TXNDC9: variants seen among roughly 807,000 people sequenced by gnomAD.
The protein encoded by TXNDC9 is thioredoxin domain containing 9.
TXNDC9 carries 7 observed loss-of-function variants against 23.0 expected under a neutral mutation model. The ratio of observed to expected loss-of-function variants is 0.30; its 90% CI spans 0.17 to 0.57. The LOEUF (loss-of-function observed/expected upper bound fraction) is 0.57, where lower values mean the gene tolerates loss of function less well. Ranked by LOEUF, TXNDC9 falls within the 20% of genes least tolerant of loss-of-function variation. The pLI is 0.90. For synonymous variants in TXNDC9, 72 were observed against 90.6 expected, an observed-to-expected ratio of 0.79 and a Z score of 1.17; for missense variants, 198 against 252.6, an observed-to-expected ratio of 0.78 and a Z score of 1.47.
chr2:99,332,360 T>C (rs1163920216), intron 2 of TXNDC9, among the ~76,000 whole-genome samples: 2 of 152,144 alleles, frequency 1.3e-5, no homozygotes, highest in South Asian at 2.1e-4. Context: ...GAATAATTGC[T>C]TGAAGCCGGG....
chr2:99,328,060 G>A lies in TXNDC9; in HGVS notation c.190-407C>T, dbSNP rs139386489. 3.4e-3 allele frequency among the ~76,000 whole-genome samples: 523 copies of A among 152,000 alleles called. 3 individuals carry two copies. Among genetic ancestry groups the A allele is most frequent in the African/African-American group, 0.012 (489 of 41,476 alleles). On this transcript the variant is annotated intron_variant, in intron 2 of 4. Coordinates refer to ENST00000264255, the MANE Select transcript of TXNDC9 (RefSeq NM_005783.4). ...GGCTTCCCAAAGTGCTGGGATTATA[G>A]GTGTGAGCCACCGCGCCCGGCCCAA...
At chr2:99,333,946 G>T (rs559490661) in intron 1 of TXNDC9, among the ~76,000 whole-genome samples, 1 of 152,080 alleles carries the variant, frequency 6.6e-6, no homozygotes, top group Non-Finnish European at 1.5e-5. Context: ...TCTAAATTTT[G>T]GGTTTTTTTC....
rs763788805 is a variant in TXNDC9, at chr2:99,322,255, C to T, written c.309-46G>A. On this transcript the variant is annotated intron_variant, in intron 3 of 4. Coordinates refer to ENST00000264255, the MANE Select transcript of TXNDC9 (RefSeq NM_005783.4). ...AAAATTATAAGCTAAAACCACAGAT[C>T]GCTTTTTTCAAAATAAATATCATCA... is the stretch of plus-strand genomic sequence containing the variant. 1.1e-4 allele frequency: 175 copies of T among 1,564,540 alleles called. 1 individual carries two copies. The highest frequency in any genetic ancestry group is 1.3e-4 in the Non-Finnish European group (148 of 1,156,624).
chr2:99,308,599 G>A, the TXNDC9 span, among the ~76,000 whole-genome samples: 11 of 152,012 alleles, frequency 7.2e-5, no homozygotes, highest in Admixed American at 6.6e-5. Flanking sequence ...GTGTGTACGT[G>A]TGTGTGTGTA....
chr2:99,310,881 G>T, the TXNDC9 span, among the ~76,000 whole-genome samples: 1 of 152,176 alleles, frequency 6.6e-6, no homozygotes, highest in African/African-American at 2.4e-5. Context: ...CTGCAGGAGG[G>T]GTTCTGCTGC....
At position 99,328,209 on chromosome 2, in the gene TXNDC9, C is replaced by T. The variant is rs535200924; in HGVS notation, c.190-556G>A. Among the ~76,000 whole-genome samples, 14 of 151,866 alleles carry T rather than the reference C, an allele frequency of 9.2e-5. No individual in the cohort carries two copies. In the East Asian group the frequency reaches 2.1e-3, roughly 23 times the overall value. ...CTCCTGGGCTCAAGAGATCCTCCTACGTCAGTCTCCCAAGGAATTGGGACC... is the reference window on the plus strand; with the variant it reads ...CTCCTGGGCTCAAGAGATCCTCCTATGTCAGTCTCCCAAGGAATTGGGACC... On this transcript the variant is annotated intron_variant, in intron 2 of 4. Transcript: ENST00000264255.
rs141288699 is a variant in TXNDC9 at position 99,322,811 on chromosome 2, G to C, written c.309-602C>G. ...GCGTATTGCCCTGTCCCCCAGGCTGGAGTGCAGTGGCACAAGCTCGGCTCA... is the reference window on the plus strand; with the variant it reads ...GCGTATTGCCCTGTCCCCCAGGCTGCAGTGCAGTGGCACAAGCTCGGCTCA... On this transcript the variant is annotated intron_variant, in intron 3 of 4. Transcript: ENST00000264255. 8.1e-5 allele frequency: 83 copies of C among 1,029,378 alleles called. No homozygotes were observed. The East Asian group carries it at 2.8e-3, about 35-fold the overall frequency. 63.8% of individuals were successfully genotyped at this position (1,029,378 alleles called of 1,614,324 possible). A position where few individuals can be genotyped will look rare whatever the true frequency, so the allele number is the denominator to read the frequency against.
At chr2:99,332,437 C>T (rs894848214) in intron 2 of TXNDC9, among the ~76,000 whole-genome samples, 7 of 151,886 alleles carry the variant, frequency 4.6e-5, no homozygotes, top group African/African-American at 7.3e-5. Context: ...AGCGAGACTC[C>T]ATCTCAAAAA....
chr2:99,309,192 A>G, the TXNDC9 span, among the ~76,000 whole-genome samples: 18 of 146,538 alleles, frequency 1.2e-4, no homozygotes, highest in African/African-American at 4.0e-4. Context: ...GGCCCGCATG[A>G]CGAAACCCCG....
chr2:99,322,436 T>C, intron 3 of TXNDC9: 1 of 1,261,826 alleles, frequency 7.9e-7, no homozygotes, highest in Non-Finnish European at 1.1e-6. Context: ...AGATTTGCAT[T>C]AATGATATTC....
chr2:99,324,947 T>C (rs1391682570), intron 3 of TXNDC9, among the ~76,000 whole-genome samples: 1 of 152,222 alleles, frequency 6.6e-6, no homozygotes, highest in African/African-American at 2.4e-5. Context: ...GTTTTCACCA[T>C]GTTGGCCAGG....
In TXNDC9 at chr2:99,322,729, C is replaced by T; in HGVS notation, c.309-520G>A. On this transcript the variant is annotated intron_variant, in intron 3 of 4. Coordinates refer to ENST00000264255, the MANE Select transcript of TXNDC9 (RefSeq NM_005783.4). ...TTAAATAAATGTGGCCATTATGCTTCTAGGAAATTAAAAAATACCAGTAGT... is the reference window on the plus strand; with the variant it reads ...TTAAATAAATGTGGCCATTATGCTTTTAGGAAATTAAAAAATACCAGTAGT... 4 of 1,405,356 alleles carry T rather than the reference C, an allele frequency of 2.8e-6. No individual in the cohort carries two copies. In the South Asian group the frequency reaches 6.6e-5, roughly 23 times the overall value. 87.1% of individuals were successfully genotyped at this position (1,405,356 alleles called of 1,614,324 possible).
chr2:99,322,318 A>C (rs756279394), intron 3 of TXNDC9, 109 bp from the exon 4 acceptor site: 2 of 1,422,660 alleles, frequency 1.4e-6, no homozygotes, highest in Non-Finnish European at 9.4e-7. Context: ...GTTGACTCTC[A>C]TAACATGGCA....
chr2:99,314,733 G>C (rs753081626), downstream of TXNDC9, among the ~76,000 whole-genome samples: 2 of 151,066 alleles, frequency 1.3e-5, no homozygotes, highest in Non-Finnish European at 2.9e-5. Context: ...GTTTCACCAT[G>C]TTGTCTGCCT....
At chr2:99,318,212 A>G (rs541669919), downstream of TXNDC9, among the ~76,000 whole-genome samples, 2 of 151,374 alleles carry the variant, frequency 1.3e-5, no homozygotes, top group South Asian at 4.2e-4. Flanking sequence ...GCTTGTTGGC[A>G]TTCCCTTTTG....
intron 2 of TXNDC9, among the ~76,000 whole-genome samples, chr2:99,330,232 G>A (rs2094221506): frequency 7.8e-6 from 1 of 128,186 alleles, no homozygotes; most frequent in South Asian, 2.7e-4. Flanking sequence ...GGAGGTTGCA[G>A]TGAGCCGAGA....
intron 3 of TXNDC9, among the ~76,000 whole-genome samples, chr2:99,325,418 T>A (rs1391577816): frequency 6.6e-6 from 1 of 152,168 alleles, no homozygotes; most frequent in Non-Finnish European, 1.5e-5. Flanking sequence ...TAATAATAAG[T>A]GCCTCTGAAG....
At chr2:99,310,425 C>A in the TXNDC9 span, among the ~76,000 whole-genome samples, 1 of 152,192 alleles carries the variant, frequency 6.6e-6, no homozygotes, top group East Asian at 1.9e-4. Context: ...TCCTTGGCCT[C>A]GCAAAGTGCT....
At chr2:99,314,877 C>T (rs1233412920), downstream of TXNDC9, among the ~76,000 whole-genome samples, 3 of 147,494 alleles carry the variant, frequency 2.0e-5, no homozygotes, top group South Asian at 4.3e-4. Context: ...TTTGGGAAGA[C>T]GTACAGATCC....
Sources: allele counts gnomAD v4.1 joint callset (sites outside exome capture counted in the v4.1 genomes callset), GRCh38; gene constraint gnomAD v4.1.1; transcripts MANE v1.5; gene names NCBI Gene and HGNC (gene_info 2026-07-23, HGNC 2026-07-21).